Variants in CBFB observed in about 807,000 individuals in gnomAD.
CBFB encodes core-binding factor subunit beta, also known as CBF-beta.
A neutral mutation model predicts 30.4 loss-of-function variants in CBFB; 9 were observed. That is an observed-to-expected ratio of 0.30 (90% confidence interval 0.18 to 0.52). The LOEUF (loss-of-function observed/expected upper bound fraction) is 0.52. CBFB is among the 20% of genes least tolerant of loss of function. The pLI is 0.97. For missense variants in CBFB, 170 were observed against 244.0 expected (o/e 0.70, Z 2.02); for synonymous variants, 94 against 84.0 (o/e 1.12, Z -0.65).
At chr16:67,069,082 C>G (rs561539334) in intron 4 of CBFB, among the ~76,000 whole-genome samples, 1 of 152,194 alleles carries the variant, frequency 6.6e-6, no homozygotes, top group South Asian at 2.1e-4. Flanking sequence ...GGCATGGTGG[C>G]GCATGCCTGT....
At chr16:67,054,880 G>A (rs770681787) in intron 3 of CBFB, among the ~76,000 whole-genome samples, 2 of 151,608 alleles carry the variant, frequency 1.3e-5, no homozygotes, top group Admixed American at 6.6e-5. Context: ...AGCCTCCCAC[G>A]CGTAGCTGGG....
chr16:67,033,613 C>CTT (rs1186367448), intron 2 of CBFB, among the ~76,000 whole-genome samples: 9 of 139,634 alleles, frequency 6.4e-5, no homozygotes, highest in Admixed American at 1.4e-4. Flanking sequence ...CTTATCAATT[C>CTT]TTTTTTTTTT....
intron 3 of CBFB, among the ~76,000 whole-genome samples, chr16:67,064,991 G>A (rs923874283): frequency 1.3e-5 from 2 of 151,996 alleles, no homozygotes; most frequent in Non-Finnish European, 2.9e-5. Flanking sequence ...TCTGCCTCCC[G>A]AGTTCAAGTG....
At chr16:67,070,335 TC>T (rs1961184205) in intron 4 of CBFB, among the ~76,000 whole-genome samples, 1 of 152,112 alleles carries the variant, frequency 6.6e-6, no homozygotes. Flanking sequence ...TCCCAGGAGT[TC>T]CAGCCCAGCC....
rs2145702869 is a variant in CBFB at position 67,029,767 on chromosome 16, G to A, written c.119G>A (p.Arg40His). 1 of 1,595,716 alleles carries A rather than the reference G, an allele frequency of 6.3e-7. No homozygotes were observed. Among genetic ancestry groups the A allele is most frequent in the East Asian group, 2.3e-5 (1 of 42,930 alleles). Residue 40 changes from arginine to histidine, a missense_variant, in exon 2 of 6, where the codon CGC becomes CAC. Arg to His is a conservative substitution (Grantham distance 29). Transcript: ENST00000412916. ...TGFRDRPHEE[R>H]QARFQNACRD... ...TTCAGGGACCGGCCCCACGAGGAAC[G>A]CCAGGCACGCTTCCAGAACGCCTGC... is the stretch of plus-strand genomic sequence containing the variant.
chr16:67,079,515 CT>C (rs34164177), intron 4 of CBFB, among the ~76,000 whole-genome samples: 3,882 of 98,658 alleles, frequency 0.039, 29 homozygotes, highest in South Asian at 0.079. Flanking sequence ...GGCCCTGGGT[CT>C]TTTTTTTTTT....
intron 3 of CBFB, among the ~76,000 whole-genome samples, chr16:67,057,108 G>A (rs910258940): frequency 3.3e-5 from 5 of 151,200 alleles, no homozygotes; most frequent in African/African-American, 1.2e-4. Flanking sequence ...TCAGCCTCCC[G>A]AGTTGGTGGG....
intron 3 of CBFB, among the ~76,000 whole-genome samples, chr16:67,052,800 A>G (rs570029287): frequency 1.3e-5 from 2 of 152,234 alleles, no homozygotes; most frequent in South Asian, 2.1e-4. Context: ...CATCTCTACA[A>G]AAAAATAAAA....
chr16:67,068,900 T>A (rs1961137486), intron 4 of CBFB, among the ~76,000 whole-genome samples: 1 of 152,078 alleles, frequency 6.6e-6, no homozygotes, highest in Admixed American at 6.6e-5. Context: ...ATCTAAATTA[T>A]TAAAAGAATC....
At chr16:67,065,142 G>A (rs1040476087) in intron 3 of CBFB, among the ~76,000 whole-genome samples, 1 of 152,080 alleles carries the variant, frequency 6.6e-6, no homozygotes, top group Non-Finnish European at 1.5e-5. Context: ...CAAGTGATCC[G>A]CCCAACTTGG....
intron 4 of CBFB, among the ~76,000 whole-genome samples, chr16:67,076,187 G>A (rs779613325): frequency 6.8e-5 from 10 of 146,636 alleles, no homozygotes; most frequent in African/African-American, 1.1e-4. Context: ...CTGAGATCGC[G>A]CCACTGCACT....
rs541313615 is a variant in CBFB, at chr16:67,069,076, T to C, written c.399+2278T>C. Among the ~76,000 whole-genome samples the C allele has an allele frequency of 6.6e-5, 10 of 152,254 alleles. No individual in the cohort carries two copies. The South Asian group carries it at 2.1e-3, about 32-fold the overall frequency. ...CTAAAAATACAAAATCAGCCAGGCA[T>C]GGTGGCGCATGCCTGTAATCCCACC... On this transcript the variant is annotated intron_variant, in intron 4 of 5. Transcript: ENST00000412916.
chr16:67,057,342 T>C (rs549452144), intron 3 of CBFB, among the ~76,000 whole-genome samples: 1 of 152,236 alleles, frequency 6.6e-6, no homozygotes, highest in African/African-American at 2.4e-5. Context: ...CAGCTCATTA[T>C]CATTGGGCGT....
At chr16:67,095,993 G>A (rs114937383) in intron 5 of CBFB, among the ~76,000 whole-genome samples, 3,051 of 151,240 alleles carry the variant, frequency 0.02, 96 homozygotes, top group African/African-American at 0.069. Context: ...GCACCCAGCC[G>A]ACCTCATCTC....
intron 5 of CBFB, among the ~76,000 whole-genome samples, chr16:67,089,612 A>G (rs1022721076): frequency 1.3e-5 from 2 of 152,154 alleles, no homozygotes; most frequent in African/African-American, 4.8e-5. Context: ...TGTATAAAAC[A>G]GTTTTTTTAA....
chr16:67,037,440 C>T (rs1000932140), intron 3 of CBFB, among the ~76,000 whole-genome samples: 1 of 152,032 alleles, frequency 6.6e-6, no homozygotes, highest in South Asian at 2.1e-4. Context: ...AGAAATAGCT[C>T]ATAGGTAACT....
intron 5 of CBFB, among the ~76,000 whole-genome samples, chr16:67,092,700 T>C (rs933221913): frequency 1.8e-3 from 25 of 13,954 alleles, no homozygotes; most frequent in African/African-American, 6.7e-3. Context: ...GGTGCAATCT[T>C]TTTTTTTTTT....
At chr16:67,065,037 A>G (rs1214598199) in intron 3 of CBFB, among the ~76,000 whole-genome samples, 1 of 152,164 alleles carries the variant, frequency 6.6e-6, no homozygotes, top group Non-Finnish European at 1.5e-5. Flanking sequence ...AGCTGGGATT[A>G]TAGCTGTGCG....
chr16:67,093,372 T>G (rs1005790693), intron 5 of CBFB: 2 of 131,922 alleles, frequency 1.5e-5, no homozygotes, highest in East Asian at 2.1e-4. Context: ...CAGCAGGTTT[T>G]TTTTTTTTTT....
Sources: allele counts gnomAD v4.1 joint callset (sites outside exome capture counted in the v4.1 genomes callset), GRCh38; gene constraint gnomAD v4.1.1; transcripts MANE v1.5; gene names NCBI Gene and HGNC (gene_info 2026-07-23, HGNC 2026-07-21).